The following SCLT1 variants were observed in gnomAD, a reference collection of about 807,000 sequenced individuals.
SCLT1 encodes sodium channel-associated protein 1.
Under a neutral mutation model 112.8 loss-of-function variants are expected in SCLT1, and 78 were observed. The observed-to-expected ratio is 0.69, with a 90% CI of 0.58 to 0.83. SCLT1 has a LOEUF of 0.83. Among genes scored for constraint, SCLT1 ranks in the 40% least tolerant of loss-of-function variants. SCLT1 has a pLI of 0.00. For synonymous variants in SCLT1, 257 were observed against 254.7 expected, an observed-to-expected ratio of 1.01 and a Z score of -0.09; for missense variants, 747 against 770.4, an observed-to-expected ratio of 0.97 and a Z score of 0.36.
rs1733087052 is a variant in SCLT1, at chr4:128,888,785, G to C, written c.1909-11C>G. 6.5e-7 allele frequency: 1 copy of C among 1,532,206 alleles called. No homozygotes were observed. Among genetic ancestry groups the C allele is most frequent in the South Asian group, 1.1e-5 (1 of 87,386 alleles). 94.9% of individuals were successfully genotyped at this position (1,532,206 alleles called of 1,614,324 possible). On this transcript the variant is annotated splice_polypyrimidine_tract_variant and intron_variant, in intron 19 of 20. Coordinates refer to ENST00000281142, the MANE Select transcript of SCLT1 (RefSeq NM_144643.4). The stretch of plus-strand genomic sequence containing the variant: ...AATTAGCTTTTCATTCTATTAAGGG[G>C]AAATAGAAAACAAGTTAGAAATCCA...
intron 18 of SCLT1, among the ~76,000 whole-genome samples, chr4:128,898,386 A>C (rs1246925163): frequency 6.6e-6 from 1 of 152,242 alleles, no homozygotes; most frequent in African/African-American, 2.4e-5. Context: ...AAACCGCTCA[A>C]CTACATGGAA....
chr4:129,007,566 C>T (rs916426745), intron 5 of SCLT1, among the ~76,000 whole-genome samples: 2 of 152,108 alleles, frequency 1.3e-5, no homozygotes, highest in Non-Finnish European at 2.9e-5. Flanking sequence ...TCAGTTAGCA[C>T]TTCCATGGTA....
intron 2 of SCLT1, among the ~76,000 whole-genome samples, chr4:129,056,920 G>T (rs1749449345): frequency 6.6e-6 from 1 of 152,218 alleles, no homozygotes; most frequent in African/African-American, 2.4e-5. Flanking sequence ...ATCTTAGGAA[G>T]AAAAAACTTT....
intron 18 of SCLT1, among the ~76,000 whole-genome samples, chr4:128,919,474 C>G (rs559058375): frequency 1.3e-5 from 2 of 151,948 alleles, no homozygotes; most frequent in Non-Finnish European, 2.9e-5. Flanking sequence ...TTAGAAAGAC[C>G]TCAAATTAAC....
intron 18 of SCLT1, among the ~76,000 whole-genome samples, chr4:128,911,827 G>A (rs1031468360): frequency 2.6e-5 from 4 of 152,194 alleles, no homozygotes; most frequent in African/African-American, 9.7e-5. Context: ...ACAAAAGCAA[G>A]CAAGAAAATA....
intron 18 of SCLT1, among the ~76,000 whole-genome samples, chr4:128,897,470 T>C (rs1733869244): frequency 7.9e-6 from 1 of 126,606 alleles, no homozygotes; most frequent in Non-Finnish European, 1.6e-5. Context: ...GACAAGCAAA[T>C]GCTGAGAGAT....
intron 19 of SCLT1, among the ~76,000 whole-genome samples, 166 bp from the exon 20 acceptor site, chr4:128,888,940 T>A (rs1257578262): frequency 6.6e-6 from 1 of 152,216 alleles, no homozygotes; most frequent in Non-Finnish European, 1.5e-5. Flanking sequence ...AATACAAACT[T>A]TGTTTTACAT....
At chr4:128,970,327 A>C (rs763274391) in intron 10 of SCLT1, 51 bp downstream of exon 10, 1 of 1,000,358 alleles carries the variant, frequency 1.0e-6, no homozygotes, top group Non-Finnish European at 1.6e-6. Flanking sequence ...TCAACAAAAT[A>C]GAAAGAAAAC....
chr4:128,908,168 A>C (rs762734078), intron 18 of SCLT1, among the ~76,000 whole-genome samples: 27 of 152,204 alleles, frequency 1.8e-4, no homozygotes, highest in Non-Finnish European at 3.4e-4. Flanking sequence ...AATTAAAAAC[A>C]AAAGGTGCGC....
At chr4:128,973,781 A>T (rs1045902961) in intron 9 of SCLT1, among the ~76,000 whole-genome samples, 2 of 152,200 alleles carry the variant, frequency 1.3e-5, no homozygotes, top group African/African-American at 4.8e-5. Context: ...CATTCATATT[A>T]TATTATGTTC....
intron 18 of SCLT1, among the ~76,000 whole-genome samples, chr4:128,924,129 CTAT>C (rs890461456): frequency 3.3e-5 from 5 of 151,518 alleles, no homozygotes; most frequent in Admixed American, 6.6e-5. Context: ...GTAAAATTGT[CTAT>C]TATTACTGAG....
intron 18 of SCLT1, among the ~76,000 whole-genome samples, chr4:128,893,215 A>C (rs1733465164): frequency 6.6e-6 from 1 of 152,238 alleles, no homozygotes; most frequent in African/African-American, 2.4e-5. Context: ...TTACTTACTC[A>C]AGACAATCTT....
At chr4:129,044,164 G>A in intron 2 of SCLT1, 113 bp from the exon 3 acceptor site, 1 of 549,640 alleles carries the variant, frequency 1.8e-6, no homozygotes, top group Non-Finnish European at 3.2e-6. Context: ...CTCTATTTAT[G>A]TAATTCAAAA....
downstream of SCLT1, among the ~76,000 whole-genome samples, chr4:128,881,216 G>A (rs147968925): frequency 6.6e-6 from 1 of 152,112 alleles, no homozygotes; most frequent in East Asian, 1.9e-4. Context: ...GTGTATGTAT[G>A]TATGTTTTAG....
chr4:128,974,281 T>C (rs1740954408), intron 9 of SCLT1, among the ~76,000 whole-genome samples: 1 of 152,058 alleles, frequency 6.6e-6, no homozygotes, highest in African/African-American at 2.4e-5. Flanking sequence ...TTAGCCAGTA[T>C]ACGAACAGTG....
intron 7 of SCLT1, among the ~76,000 whole-genome samples, 198 bp downstream of exon 7, chr4:128,999,474 T>C (rs1215761969): frequency 1.3e-5 from 2 of 151,996 alleles, no homozygotes; most frequent in African/African-American, 2.4e-5. Context: ...AACCAAATGA[T>C]CACTGTCCAG....
intron 6 of SCLT1, among the ~76,000 whole-genome samples, chr4:129,001,158 C>A (rs2126084471): frequency 6.6e-6 from 1 of 152,032 alleles, no homozygotes; most frequent in Middle Eastern, 3.4e-3. Context: ...CAAAATGTCC[C>A]ACTGTTTCTC....
intron 8 of SCLT1, among the ~76,000 whole-genome samples, chr4:128,996,304 T>C (rs1743014779): frequency 6.6e-6 from 1 of 152,056 alleles, no homozygotes; most frequent in Non-Finnish European, 1.5e-5. Flanking sequence ...GGAGAAGGAG[T>C]GTCCAGGATG....
intron 20 of SCLT1, among the ~76,000 whole-genome samples, chr4:128,887,934 C>T (rs1733008455): frequency 6.6e-6 from 1 of 152,062 alleles, no homozygotes; most frequent in African/African-American, 2.4e-5. Flanking sequence ...GCAATATTAT[C>T]TACTTTCAAA....
Sources: gnomAD v4.1 joint callset for allele counts (sites outside exome capture counted in the v4.1 genomes callset) on GRCh38, gnomAD v4.1.1 for gene constraint, MANE v1.5 for transcripts, NCBI Gene and HGNC (gene_info 2026-07-23, HGNC 2026-07-21) for gene names.